The following KIAA0319 variants were observed in gnomAD, a reference collection of about 807,000 sequenced individuals.
KIAA0319 encodes the protein KIAA0319, also known as dyslexia-associated protein KIAA0319.
A neutral mutation model predicts 108.4 loss-of-function variants in KIAA0319; 83 were observed. That is an observed-to-expected ratio of 0.77 (90% CI 0.64 to 0.92). KIAA0319 has a LOEUF of 0.92. Ranked by LOEUF, KIAA0319 falls within the 40% of genes least tolerant of loss-of-function variation. The probability of loss-of-function intolerance (pLI) is 0.00; values close to 1 mark genes in which losing one functional copy is unlikely to be tolerated. For synonymous variants in KIAA0319, 484 were observed against 510.4 expected (o/e 0.95, Z 0.70); for missense variants, 1,195 against 1,322.4 (o/e 0.90, Z 1.49).
chr6:24,634,888 T>C (rs1215137730), intron 1 of KIAA0319, among the ~76,000 whole-genome samples: 2 of 152,170 alleles, frequency 1.3e-5, no homozygotes, highest in Non-Finnish European at 2.9e-5. Flanking sequence ...GGGGAAAACC[T>C]GGCTAGAGGG....
At chr6:24,589,713 T>G (rs1562009270) in intron 3 of KIAA0319, among the ~76,000 whole-genome samples, 1 of 152,224 alleles carries the variant, frequency 6.6e-6, no homozygotes, top group Admixed American at 6.5e-5. Context: ...AGGTATGTCT[T>G]TATAGCAATG....
rs1208499079 is a variant in KIAA0319 at position 24,569,932 on chromosome 6, G to A, written c.1962C>T (p.Gly654=). ...CGTGCTCCCAGTGGTAGAAGACAAT[G>A]CCGTGGTCATCGCTGCTGCTGCTCC... ...LDGSSSSDDH[G]IVFYHWEHVR... Residue 654 remains glycine (G), a synonymous_variant, in exon 12 of 21, where the codon GGC becomes GGT. Coordinates refer to ENST00000378214, the MANE Select transcript of KIAA0319 (RefSeq NM_014809.4). 1.9e-6 allele frequency: 3 copies of A among 1,614,154 alleles called. No homozygotes were observed. The highest frequency in any genetic ancestry group is 2.5e-6 in the Non-Finnish European group (3 of 1,179,990).
intron 1 of KIAA0319, among the ~76,000 whole-genome samples, chr6:24,604,002 G>A (rs1771046262): frequency 6.6e-6 from 1 of 152,158 alleles, no homozygotes; most frequent in Non-Finnish European, 1.5e-5. Flanking sequence ...TAGACCAAGG[G>A]ACAGGAAGGA....
chr6:24,559,066 G>C lies in KIAA0319; in HGVS notation c.2681C>G (p.Ser894Ter), dbSNP rs1762721202. ...EVARNLHMRL[S>*]KEKADFLLFK... ...AAGCAAGAAGTCAGCCTTCTCCTTT[G>C]AGAGCCGCATGTGCAGATTTCGGGC... The change falls in exon 17 of 21, where the codon TCA becomes TGA. Residue 894 changes from serine (S) to a stop codon, truncating the protein, a stop_gained. Transcript: ENST00000378214. LOFTEE classifies it high-confidence loss of function. The C allele has an allele frequency of 7.4e-6, 12 of 1,613,406 alleles. No individual in the cohort carries two copies. Among genetic ancestry groups the C allele is most frequent in the Non-Finnish European group, 1.0e-5 (12 of 1,179,854 alleles).
chr6:24,628,321 T>C (rs535153651), intron 1 of KIAA0319, among the ~76,000 whole-genome samples: 1 of 136,078 alleles, frequency 7.3e-6, no homozygotes, highest in African/African-American at 2.6e-5. Flanking sequence ...GAACCTTATG[T>C]TTTTCTGTTT....
chr6:24,629,908 C>A (rs1775290406), intron 1 of KIAA0319, among the ~76,000 whole-genome samples: 1 of 152,114 alleles, frequency 6.6e-6, no homozygotes, highest in Non-Finnish European at 1.5e-5. Flanking sequence ...ATGACAAGGC[C>A]GGGCCTGGTG....
In KIAA0319 at chr6:24,616,198, TA is replaced by T. The variant is rs1003477622; in HGVS notation, c.-105-14991del. Reference sequence around the variant, plus strand: ...AAATTACTGGTATGAAAATTGAGGATATTTTTAAAACCCAATTAATAATGTA... The same window carrying T: ...AAATTACTGGTATGAAAATTGAGGATTTTTTAAAACCCAATTAATAATGTA... On this transcript the variant is annotated intron_variant, in intron 1 of 20. Coordinates refer to ENST00000378214, the MANE Select transcript of KIAA0319 (RefSeq NM_014809.4). Among the ~76,000 whole-genome samples, 15 of 152,318 alleles carry T rather than the reference TA, an allele frequency of 9.8e-5. No individual in the cohort carries two copies. In the South Asian group the frequency reaches 2.7e-3, roughly 27 times the overall value.
intron 1 of KIAA0319, among the ~76,000 whole-genome samples, chr6:24,617,218 T>C (rs1434560628): frequency 6.6e-6 from 1 of 152,046 alleles, no homozygotes; most frequent in Non-Finnish European, 1.5e-5. Flanking sequence ...TGTCCAATAT[T>C]AGGATATGAT....
intron 19 of KIAA0319, among the ~76,000 whole-genome samples, chr6:24,554,012 TAG>T (rs1761948175): frequency 6.6e-6 from 1 of 152,194 alleles, no homozygotes; most frequent in African/African-American, 2.4e-5. Context: ...GGACCCAATT[TAG>T]AGTCAGTCAG....
intron 1 of KIAA0319, among the ~76,000 whole-genome samples, chr6:24,608,878 C>T (rs928875206): frequency 1.6e-4 from 20 of 125,214 alleles, no homozygotes; most frequent in Non-Finnish European, 2.7e-4. Flanking sequence ...TTGCAATGAG[C>T]CAAGATCATG....
At position 24,558,833 on chromosome 6, in the gene KIAA0319, C is replaced by T. The variant is rs367826172; in HGVS notation, c.2734+180G>A. On this transcript the variant is annotated intron_variant, in intron 17 of 20. Transcript: ENST00000378214. ...ATTATTATTGTTTTCCATTTTTCTT[C>T]CAAGACCAAGAGTAGTTGGCAAATG... Among the ~76,000 whole-genome samples the T allele has an allele frequency of 1.4e-4, 21 of 152,292 alleles. No individual in the cohort carries two copies. The East Asian group carries it at 2.5e-3, about 18-fold the overall frequency.
In KIAA0319 at chr6:24,620,918, G is replaced by A. The variant is rs561758966; in HGVS notation, c.-105-19710C>T. Among the ~76,000 whole-genome samples the A allele has an allele frequency of 1.2e-3, 179 of 152,272 alleles. 1 individual carries two copies. The highest frequency in any genetic ancestry group is 4.0e-3 in the African/African-American group (165 of 41,534). ...ATTCATTCTATAATAGCACCTATGC[G>A]TATGCCTAGGAATGCAGCTGACTTC... On this transcript the variant is annotated intron_variant, in intron 1 of 20. Coordinates refer to ENST00000378214, the MANE Select transcript of KIAA0319 (RefSeq NM_014809.4).
At chr6:24,552,188 C>A (rs1581879134) in intron 19 of KIAA0319, among the ~76,000 whole-genome samples, 1 of 152,134 alleles carries the variant, frequency 6.6e-6, no homozygotes, top group Non-Finnish European at 1.5e-5. Context: ...AAGCATAGGT[C>A]TCAATTTAGC....
Position 24,579,943 on chromosome 6 carries a change from T to C in KIAA0319, c.1287A>G (p.Arg429=). Residue 429 remains arginine, a synonymous_variant, in exon 8 of 21, where the codon AGA becomes AGG. Coordinates refer to ENST00000378214, the MANE Select transcript of KIAA0319 (RefSeq NM_014809.4). ...FVNVTVKPAR[R]VNLPPVAVVS... ...CAACTGCTACAGGTGGCAGGTTGAC[T>C]CTTCTGGCTGTAACAAAAAAAAGGA... 1.9e-6 allele frequency: 3 copies of C among 1,588,360 alleles called. No individual in the cohort carries two copies. The highest frequency in any genetic ancestry group is 2.6e-6 in the Non-Finnish European group (3 of 1,167,312).
At chr6:24,598,388 TG>T in intron 2 of KIAA0319, 1 of 619,598 alleles carries the variant, frequency 1.6e-6, no homozygotes, top group Non-Finnish European at 3.1e-6. Context: ...AACAAGGTGC[TG>T]GAGACCAACT....
At chr6:24,569,605 G>A (rs1229601270) in intron 12 of KIAA0319, among the ~76,000 whole-genome samples, 1 of 152,146 alleles carries the variant, frequency 6.6e-6, no homozygotes, top group Admixed American at 6.5e-5. Flanking sequence ...CTGCAGGATG[G>A]GTTGAGTGTA....
At chr6:24,614,999 C>A (rs902898604) in intron 1 of KIAA0319, among the ~76,000 whole-genome samples, 1 of 151,718 alleles carries the variant, frequency 6.6e-6, no homozygotes, top group East Asian at 1.9e-4. Context: ...AGTAAGAGCT[C>A]AAAATTTATT....
chr6:24,586,912 C>T (rs567020856), intron 4 of KIAA0319, among the ~76,000 whole-genome samples: 2 of 152,226 alleles, frequency 1.3e-5, no homozygotes, highest in African/African-American at 4.8e-5. Flanking sequence ...TTCTGCACTT[C>T]CAGCTCCTTA....
chr6:24,628,244 G>A (rs9366573), intron 1 of KIAA0319, among the ~76,000 whole-genome samples: 107,838 of 152,122 alleles, frequency 0.71, 38,881 homozygotes, highest in East Asian at 0.87. Flanking sequence ...GGTTAGAAAT[G>A]TCAGGTATTG....
Sources: gnomAD v4.1 joint callset for allele counts (sites outside exome capture counted in the v4.1 genomes callset) on GRCh38, gnomAD v4.1.1 for gene constraint, MANE v1.5 for transcripts, NCBI Gene and HGNC (gene_info 2026-07-23, HGNC 2026-07-21) for gene names.